BIN3: variants seen among roughly 807,000 people sequenced by gnomAD.
The protein encoded by BIN3 is bridging integrator 3.
In BIN3, 41 loss-of-function variants were observed where a neutral mutation model predicts 38.2. The ratio of observed to expected loss-of-function variants is 1.07; its 90% CI spans 0.84 to 1.39. BIN3 has a LOEUF of 1.39. BIN3 is among the 40% of genes most tolerant of loss of function. The pLI, the probability that BIN3 is intolerant of heterozygous loss-of-function variation, is 0.00. For missense variants in BIN3, 361 were observed against 324.3 expected (o/e 1.11, Z -0.87); for synonymous variants, 145 against 122.6 (o/e 1.18, Z -1.21).
At chr8:22,666,583 G>C (rs368456896) in intron 1 of BIN3, among the ~76,000 whole-genome samples, 140 of 152,260 alleles carry the variant, frequency 9.2e-4, no homozygotes, top group African/African-American at 3.2e-3. Flanking sequence ...TGGGTAGATG[G>C]TGCAGGAAGG....
intron 1 of BIN3, among the ~76,000 whole-genome samples, chr8:22,653,997 T>G (rs1183464460): frequency 6.6e-6 from 1 of 152,298 alleles, no homozygotes; most frequent in Non-Finnish European, 1.5e-5. Flanking sequence ...AAACTATTCA[T>G]AGTTTTCAAC....
chr8:22,652,890 T>A (rs1293874470), intron 1 of BIN3, among the ~76,000 whole-genome samples: 1 of 152,230 alleles, frequency 6.6e-6, no homozygotes, highest in Admixed American at 6.5e-5. Context: ...GCAGAGTTGG[T>A]AGCATCATTT....
intron 4 of BIN3, among the ~76,000 whole-genome samples, chr8:22,633,983 G>A (rs2009212): frequency 0.64 from 97,890 of 152,118 alleles, 32,146 homozygotes; most frequent in East Asian, 0.74. Flanking sequence ...TCTCTGCTGG[G>A]AAACTAAGCT....
At chr8:22,660,404 A>G (rs1355760562) in intron 1 of BIN3, among the ~76,000 whole-genome samples, 3 of 152,276 alleles carry the variant, frequency 2.0e-5, no homozygotes, top group Non-Finnish European at 4.4e-5. Flanking sequence ...TGAGAGCACC[A>G]GACCGGCTGT....
At chr8:22,656,832 T>C (rs1438232040) in intron 1 of BIN3, among the ~76,000 whole-genome samples, 1 of 152,244 alleles carries the variant, frequency 6.6e-6, no homozygotes, top group Non-Finnish European at 1.5e-5. Flanking sequence ...TGTTGAACGG[T>C]GTAAACATAT....
In BIN3 at chr8:22,636,937, T is replaced by C; in HGVS notation, c.83A>G (p.Tyr28Cys). The C allele has an allele frequency of 6.2e-7, 1 of 1,613,228 alleles. No homozygotes were observed. The highest frequency in any genetic ancestry group is 8.5e-7 in the Non-Finnish European group (1 of 1,179,228). The change falls in exon 3 of 9, where the codon TAT becomes TGT. Residue 28 changes from tyrosine (Y) to cysteine (C), a missense_variant. By Grantham distance (194) the Tyr-to-Cys change is radical. Coordinates refer to ENST00000276416, the MANE Select transcript of BIN3 (RefSeq NM_018688.6). Reference sequence around the variant, plus strand: ...TGACACTCACTGCTGAAGTTTTCCATACTCCCTTTCAAAGTCTCTCTCCAC... The same window carrying C: ...TGACACTCACTGCTGAAGTTTTCCACACTCCCTTTCAAAGTCTCTCTCCAC... ...KTVERDFERE[Y>C]GKLQQLEEQT... is the part of the protein sequence containing the mutation.
chr8:22,636,672 G>C (rs1207083901), intron 3 of BIN3, 86 bp from the exon 4 acceptor site: 78 of 1,400,668 alleles, frequency 5.6e-5, no homozygotes, highest in Non-Finnish European at 7.7e-5. Flanking sequence ...GCCTGCCAAG[G>C]AGGAGGAGAA....
intron 4 of BIN3, among the ~76,000 whole-genome samples, chr8:22,634,111 C>A (rs1474429559): frequency 6.6e-6 from 1 of 152,232 alleles, no homozygotes; most frequent in Non-Finnish European, 1.5e-5. Context: ...CAGCTGTCTG[C>A]AGAAGCAGGA....
chr8:22,623,141 T>G (rs1414104480), intron 8 of BIN3, among the ~76,000 whole-genome samples: 1 of 152,208 alleles, frequency 6.6e-6, no homozygotes, highest in African/African-American at 2.4e-5. Context: ...GTTGGGGTAC[T>G]AAGGCTGTTG....
intron 1 of BIN3, among the ~76,000 whole-genome samples, chr8:22,662,409 T>A (rs948100250): frequency 2.6e-5 from 4 of 152,244 alleles, no homozygotes; most frequent in Non-Finnish European, 5.9e-5. Flanking sequence ...TTTTCCTGAT[T>A]ACTAATAGGA....
intron 6 of BIN3, 42 bp downstream of exon 6, chr8:22,629,922 C>T: frequency 1.3e-6 from 2 of 1,560,038 alleles, no homozygotes; most frequent in Non-Finnish European, 1.8e-6. Context: ...TGACCTGCCT[C>T]TCCCATAAGT....
At chr8:22,629,002 C>T (rs1802095400) in intron 6 of BIN3, among the ~76,000 whole-genome samples, 1 of 152,234 alleles carries the variant, frequency 6.6e-6, no homozygotes, top group South Asian at 2.1e-4. Context: ...TCCCTTCCCT[C>T]CCTGCCTTCG....
chr8:22,646,145 T>C (rs1250914093), intron 1 of BIN3, among the ~76,000 whole-genome samples: 1 of 152,160 alleles, frequency 6.6e-6, no homozygotes, highest in African/African-American at 2.4e-5. Context: ...GGAGCTTCCT[T>C]GAGGCACTGA....
intron 1 of BIN3, among the ~76,000 whole-genome samples, chr8:22,667,442 G>C (rs1051730198): frequency 1.3e-5 from 2 of 152,170 alleles, no homozygotes; most frequent in Non-Finnish European, 2.9e-5. Flanking sequence ...GGCCAATCTA[G>C]GCAATATAAA....
At chr8:22,647,248 G>C (rs1473206185) in intron 1 of BIN3, among the ~76,000 whole-genome samples, 1 of 152,178 alleles carries the variant, frequency 6.6e-6, no homozygotes, top group Admixed American at 6.5e-5. Context: ...GTAGACAAGG[G>C]ACCAAGAATC....
Position 22,624,023 on chromosome 8 carries a change from C to T in BIN3, c.507G>A (p.Arg169=). 3 of 1,613,258 alleles carry T rather than the reference C, an allele frequency of 1.9e-6. No homozygotes were observed. Among genetic ancestry groups the T allele is most frequent in the African/African-American group, 2.7e-5 (2 of 75,054 alleles). ...GCCTGTTCTTGGCTTCAAAGTCCTC[C>T]CGCACAGGCCGCAGCTCCTCTCGTG... ...HQAREELRPV[R]EDFEAKNRQL... is the part of the protein sequence containing the mutation. The change falls in exon 8 of 9, where the codon CGG becomes CGA. Residue 169 remains arginine, a synonymous_variant. Transcript: ENST00000276416.
intron 1 of BIN3, among the ~76,000 whole-genome samples, chr8:22,662,975 A>G (rs971105485): frequency 2.0e-5 from 3 of 152,016 alleles, no homozygotes; most frequent in Admixed American, 1.3e-4. Context: ...AGTCTCTACT[A>G]AAAAATGGTG....
chr8:22,621,711 C>T, intron 8 of BIN3, 143 bp from the exon 9 acceptor site: 7 of 866,976 alleles, frequency 8.1e-6, no homozygotes, highest in South Asian at 1.7e-5. Context: ...ATATGCAGGG[C>T]ACGGAAGGGC....
Position 22,639,807 on chromosome 8 carries a change from G to A in BIN3, c.58-2845C>T, listed in dbSNP as rs1802483067. Among the ~76,000 whole-genome samples, 8 of 152,202 alleles carry A rather than the reference G, an allele frequency of 5.3e-5. No individual in the cohort carries two copies. In the South Asian group the frequency reaches 1.2e-3, roughly 24 times the overall value. ...GGAAACCCTGATGTTGGTTAAGGGT[G>A]GAGTCCCATGCTTGGGTGTTGTGAT... is the stretch of plus-strand genomic sequence containing the variant. On this transcript the variant is annotated intron_variant, in intron 2 of 8. Coordinates refer to ENST00000276416, the MANE Select transcript of BIN3 (RefSeq NM_018688.6).
Sources: allele counts gnomAD v4.1 joint callset (sites outside exome capture counted in the v4.1 genomes callset), GRCh38; gene constraint gnomAD v4.1.1; transcripts MANE v1.5; gene names NCBI Gene and HGNC (gene_info 2026-07-23, HGNC 2026-07-21).